Variants in PAGE2B observed in about 807,000 individuals in gnomAD.
PAGE2B encodes putative G antigen family E member 3.
A neutral mutation model predicts 7.6 loss-of-function variants in PAGE2B; 5 were observed. The ratio of observed to expected loss-of-function variants is 0.66; its 90% CI spans 0.34 to 1.38. The LOEUF (loss-of-function observed/expected upper bound fraction) is 1.38. Ranked by LOEUF, PAGE2B falls within the 40% of genes most tolerant of loss-of-function variation. The probability of loss-of-function intolerance (pLI) is 0.04; values close to 1 mark genes in which losing one functional copy is unlikely to be tolerated. For synonymous variants in PAGE2B, 29 were observed against 26.7 expected (o/e 1.09, Z -0.27); for missense variants, 70 against 78.4 (o/e 0.89, Z 0.41).
At chrX:55,043,566 C>G in the PAGE2B span, among the ~76,000 whole-genome samples, 1 of 111,306 alleles carries the variant, frequency 9.0e-6, no homozygotes, top group Admixed American at 9.6e-5. Context: ...AAATGGCCAA[C>G]AAACATATGA....
chrX:55,050,945 A>T, the PAGE2B span, among the ~76,000 whole-genome samples: 11 of 111,388 alleles, frequency 9.9e-5, no homozygotes, highest in Non-Finnish European at 1.9e-4. Flanking sequence ...ATTGGCTGGT[A>T]CCGGTTGTTC....
the PAGE2B span, among the ~76,000 whole-genome samples, chrX:55,043,138 C>T: frequency 9.0e-6 from 1 of 111,121 alleles, no homozygotes; most frequent in Middle Eastern, 4.6e-3. Context: ...ATTGGCGAGC[C>T]ACATGTAGGA....
At chrX:55,051,113 C>A in the PAGE2B span, among the ~76,000 whole-genome samples, 3 of 111,542 alleles carry the variant, frequency 2.7e-5, no homozygotes, top group Non-Finnish European at 5.6e-5. Context: ...AAATTCTTTT[C>A]TTTAAGAATG....
At chrX:55,068,687 A>G in the PAGE2B span, among the ~76,000 whole-genome samples, 3 of 111,592 alleles carry the variant, frequency 2.7e-5, 1 homozygote, top group East Asian at 8.4e-4. Context: ...ATGTTTTTCC[A>G]TTTGTTTGTG....
chrX:55,048,308 G>A, the PAGE2B span, among the ~76,000 whole-genome samples: 4 of 111,572 alleles, frequency 3.6e-5, no homozygotes, highest in Non-Finnish European at 7.5e-5. Flanking sequence ...AGTTCCATAC[G>A]AACTTTAAAG....
the PAGE2B span, among the ~76,000 whole-genome samples, chrX:55,057,319 A>G: frequency 8.9e-6 from 1 of 112,270 alleles, no homozygotes; most frequent in Non-Finnish European, 1.9e-5. Flanking sequence ...GATAAAAGCA[A>G]AATTGCTACT....
At chrX:55,040,619 G>A in the PAGE2B span, among the ~76,000 whole-genome samples, 1 of 111,050 alleles carries the variant, frequency 9.0e-6, no homozygotes, top group Non-Finnish European at 1.9e-5. Flanking sequence ...CAGATTCATA[G>A]AGATAGAAAG....
the PAGE2B span, among the ~76,000 whole-genome samples, chrX:55,032,732 A>C: frequency 8.9e-6 from 1 of 112,006 alleles, no homozygotes; most frequent in Non-Finnish European, 1.9e-5. Context: ...TAATTCAACA[A>C]ATGTTTATTG....
the PAGE2B span, among the ~76,000 whole-genome samples, chrX:55,030,514 G>T: frequency 9.0e-6 from 1 of 111,346 alleles, no homozygotes; most frequent in Non-Finnish European, 1.9e-5. Context: ...ATGGGGAATT[G>T]CAGGAAGAAA....
chrX:55,074,212 C>T (rs759448173), upstream of PAGE2B, among the ~76,000 whole-genome samples: 17 of 110,990 alleles, frequency 1.5e-4, no homozygotes, highest in African/African-American at 5.6e-4. Context: ...CCAGAGTTAA[C>T]ATGTAATATA....
the PAGE2B span, among the ~76,000 whole-genome samples, chrX:55,051,820 T>C: frequency 8.9e-6 from 1 of 112,193 alleles, no homozygotes; most frequent in African/African-American, 3.2e-5. Context: ...ATCAAAGTCA[T>C]TCTCCATCCA....
the PAGE2B span, among the ~76,000 whole-genome samples, chrX:55,057,327 A>G: frequency 3.6e-5 from 4 of 112,261 alleles, no homozygotes; most frequent in African/African-American, 9.7e-5. Context: ...CAAAATTGCT[A>G]CTCAAAATGC....
At chrX:55,054,708 C>T in the PAGE2B span, among the ~76,000 whole-genome samples, 1 of 112,111 alleles carries the variant, frequency 8.9e-6, no homozygotes, top group Non-Finnish European at 1.9e-5. Flanking sequence ...TTAAGAATTA[C>T]TTCCTAAGTT....
the PAGE2B span, among the ~76,000 whole-genome samples, chrX:55,059,720 T>C: frequency 9.0e-6 from 1 of 111,377 alleles, no homozygotes; most frequent in South Asian, 3.8e-4. Flanking sequence ...CTATAACTTA[T>C]TTCTCCTTCC....
the PAGE2B span, among the ~76,000 whole-genome samples, chrX:55,046,532 G>T: frequency 4.5e-5 from 5 of 112,198 alleles, no homozygotes; most frequent in Admixed American, 3.8e-4. Flanking sequence ...GATTGGAGAA[G>T]ATAATTCTAG....
At chrX:55,047,849 G>C in the PAGE2B span, among the ~76,000 whole-genome samples, 7 of 111,988 alleles carry the variant, frequency 6.3e-5, no homozygotes, top group East Asian at 1.7e-3. Context: ...TTTGACTTTT[G>C]TTGCCATTGC....
chrX:55,029,044 T>A, the PAGE2B span, among the ~76,000 whole-genome samples: 1 of 112,149 alleles, frequency 8.9e-6, no homozygotes, highest in African/African-American at 3.2e-5. Flanking sequence ...TTTAGCAGAG[T>A]ACCTATCCCA....
the PAGE2B span, among the ~76,000 whole-genome samples, chrX:55,062,656 G>T: frequency 1.8e-5 from 2 of 111,631 alleles, no homozygotes; most frequent in Non-Finnish European, 3.8e-5. Flanking sequence ...GTGGGATATT[G>T]CTCACGAAAT....
the PAGE2B span, among the ~76,000 whole-genome samples, chrX:55,060,073 A>G: frequency 9.0e-6 from 1 of 111,564 alleles, no homozygotes; most frequent in Admixed American, 9.6e-5. Context: ...TATCTTGGCT[A>G]TTGTGAATAA....
Sources: gnomAD v4.1 joint callset for allele counts (sites outside exome capture counted in the v4.1 genomes callset) on GRCh38, gnomAD v4.1.1 for gene constraint, MANE v1.5 for transcripts, NCBI Gene and HGNC (gene_info 2026-07-23, HGNC 2026-07-21) for gene names.